PICALM: variants seen among roughly 807,000 people sequenced by gnomAD.
PICALM encodes the protein phosphatidylinositol binding clathrin assembly protein, also known as phosphatidylinositol-binding clathrin assembly protein.
In PICALM, 40 loss-of-function variants were observed where a neutral mutation model predicts 80.5. That is an observed-to-expected ratio of 0.50 (90% CI 0.39 to 0.65). The LOEUF (loss-of-function observed/expected upper bound fraction) is 0.65, where lower values mean the gene tolerates loss of function less well. Among genes scored for constraint, PICALM ranks in the 30% least tolerant of loss-of-function variants. The pLI, the probability that PICALM is intolerant of heterozygous loss-of-function variation, is 0.00. For missense variants in PICALM, 676 were observed against 778.9 expected, an observed-to-expected ratio of 0.87 and a Z score of 1.57; for synonymous variants, 288 against 260.3, an observed-to-expected ratio of 1.11 and a Z score of -1.02.
At chr11:86,062,254 C>T (rs1489013731) in intron 1 of PICALM, among the ~76,000 whole-genome samples, 1 of 152,164 alleles carries the variant, frequency 6.6e-6, no homozygotes, top group Non-Finnish European at 1.5e-5. Flanking sequence ...CAGTGGCTCA[C>T]GCCTGTAATC....
chr11:85,993,110 G>A (rs1390122968), intron 12 of PICALM, among the ~76,000 whole-genome samples: 3 of 144,656 alleles, frequency 2.1e-5, no homozygotes, highest in African/African-American at 7.7e-5. Context: ...TTTTAAATAA[G>A]AGTCTTGCTC....
At chr11:86,066,206 T>C (rs1028264211) in intron 1 of PICALM, among the ~76,000 whole-genome samples, 1 of 152,228 alleles carries the variant, frequency 6.6e-6, no homozygotes, top group African/African-American at 2.4e-5. Context: ...AGGAAGGTAT[T>C]TGTTTAGTAA....
intron 1 of PICALM, among the ~76,000 whole-genome samples, chr11:86,034,507 G>C (rs114319831): frequency 0.013 from 2,026 of 152,186 alleles, 52 homozygotes; most frequent in African/African-American, 0.047. Flanking sequence ...TTCTTAAAAA[G>C]CAAAAACTGT....
intron 1 of PICALM, among the ~76,000 whole-genome samples, chr11:86,055,340 A>C (rs919866179): frequency 2.6e-5 from 4 of 152,148 alleles, no homozygotes; most frequent in African/African-American, 9.7e-5. Context: ...AAAAAAAAAA[A>C]AAGATACCAT....
rs771561901 is a variant in PICALM at position 85,981,948 on chromosome 11, G to A, written c.1572C>T (p.Asn524=). The A allele has an allele frequency of 1.2e-6, 2 of 1,612,860 alleles. No homozygotes were observed. The highest frequency in any genetic ancestry group is 1.7e-6 in the Non-Finnish European group (2 of 1,178,822). The change falls in exon 15 of 20, where the codon AAC becomes AAT. Residue 524 remains asparagine, a synonymous_variant. Transcript: ENST00000393346. ...TAGGTGGGAGTTTGGCAACAGGAAG[G>A]TTCTGGTTCTGAGAGGCCACTGTTG... ...LKPTVASQNQ[N]LPVAKLPPSK... is the part of the protein sequence containing the mutation.
intron 3 of PICALM, among the ~76,000 whole-genome samples, chr11:86,023,124 C>A (rs2095594718): frequency 6.6e-6 from 1 of 152,038 alleles, no homozygotes; most frequent in Non-Finnish European, 1.5e-5. Context: ...TCTAAAAACA[C>A]CAAAAACTTT....
At chr11:85,982,183 C>T in intron 14 of PICALM, 180 bp from the exon 15 acceptor site, 1 of 562,142 alleles carries the variant, frequency 1.8e-6, no homozygotes, top group Non-Finnish European at 3.2e-6. Flanking sequence ...ACTGAATTGA[C>T]TGAGAAGGCT....
At chr11:86,062,114 G>A (rs1295974133) in intron 1 of PICALM, among the ~76,000 whole-genome samples, 1 of 152,172 alleles carries the variant, frequency 6.6e-6, no homozygotes, top group Non-Finnish European at 1.5e-5. Flanking sequence ...GGAAGAGAAG[G>A]GATGGCGAGG....
chr11:86,050,516 A>T (rs2096167925), intron 1 of PICALM, among the ~76,000 whole-genome samples: 1 of 152,190 alleles, frequency 6.6e-6, no homozygotes, highest in African/African-American at 2.4e-5. Context: ...TATACACAGC[A>T]TTCATATAAT....
intron 19 of PICALM, among the ~76,000 whole-genome samples, chr11:85,963,043 G>A (rs2093742712): frequency 6.6e-6 from 1 of 152,194 alleles, no homozygotes; most frequent in African/African-American, 2.4e-5. Context: ...TTCTTGGTAG[G>A]TGAGAAGTAG....
intron 13 of PICALM, among the ~76,000 whole-genome samples, chr11:85,989,404 G>C (rs1343361923): frequency 6.6e-6 from 1 of 152,080 alleles, no homozygotes; most frequent in Non-Finnish European, 1.5e-5. Context: ...ATGATTTGTT[G>C]AGGGTATACT....
At chr11:86,064,783 T>C (rs538813247) in intron 1 of PICALM, among the ~76,000 whole-genome samples, 3 of 150,540 alleles carry the variant, frequency 2.0e-5, no homozygotes, top group South Asian at 4.2e-4. Flanking sequence ...TATCAAAAAA[T>C]AGGATAAGGG....
chr11:86,042,214 T>G (rs1342627950), intron 1 of PICALM, among the ~76,000 whole-genome samples: 1 of 152,150 alleles, frequency 6.6e-6, no homozygotes, highest in Non-Finnish European at 1.5e-5. Context: ...TTTTCAAACC[T>G]AGATACCTTA....
chr11:86,057,940 A>G (rs1486031866), intron 1 of PICALM, among the ~76,000 whole-genome samples: 3 of 152,164 alleles, frequency 2.0e-5, no homozygotes, highest in African/African-American at 7.2e-5. Flanking sequence ...GGACAACCGC[A>G]TATATTTATC....
intron 19 of PICALM, among the ~76,000 whole-genome samples, chr11:85,969,118 G>A (rs1005810051): frequency 6.6e-6 from 1 of 152,192 alleles, no homozygotes; most frequent in Non-Finnish European, 1.5e-5. Flanking sequence ...CAGCCATCTG[G>A]AAGGTGTTAG....
At position 85,981,934 on chromosome 11, in the gene PICALM, T is replaced by C. The variant is rs201601250; in HGVS notation, c.1586A>G (p.Lys529Arg). The change falls in exon 15 of 20, where the codon AAA becomes AGA. Residue 529 changes from lysine to arginine, a missense_variant. Lys to Arg is a conservative substitution (Grantham distance 26). Coordinates refer to ENST00000393346, the MANE Select transcript of PICALM (RefSeq NM_007166.4). ...AGATACTAACTTGCTAGGTGGGAGT[T>C]TGGCAACAGGAAGGTTCTGGTTCTG... ...ASQNQNLPVA[K>R]LPPSKLVSDD... 19 of 1,613,272 alleles carry C rather than the reference T, an allele frequency of 1.2e-5. No individual in the cohort carries two copies. The East Asian group carries it at 1.8e-4, about 15-fold the overall frequency.
At chr11:85,983,383 A>C (rs2094496712) in intron 14 of PICALM, among the ~76,000 whole-genome samples, 1 of 152,180 alleles carries the variant, frequency 6.6e-6, no homozygotes, top group Admixed American at 6.5e-5. Flanking sequence ...AAAACAATAA[A>C]AAGCTCCTGT....
intron 1 of PICALM, among the ~76,000 whole-genome samples, chr11:86,044,113 C>T (rs189128668): frequency 4.6e-5 from 7 of 152,250 alleles, no homozygotes; most frequent in Admixed American, 4.6e-4. Context: ...TCTATTATCA[C>T]GGAGCTTATA....
In PICALM at chr11:86,002,163, T is replaced by A. The variant is rs2095162992; in HGVS notation, c.894-1005A>T. Among the ~76,000 whole-genome samples the A allele has an allele frequency of 2.0e-5, 3 of 152,344 alleles. No individual in the cohort carries two copies. The South Asian group carries it at 6.2e-4, about 32-fold the overall frequency. ...CTGAACTACGTGGCTCTTTTTTTCG[T>A]TATTCTCTCAAATAAATGAGACTTA... On this transcript the variant is annotated intron_variant, in intron 9 of 19. Coordinates refer to ENST00000393346, the MANE Select transcript of PICALM (RefSeq NM_007166.4).
Sources: allele counts gnomAD v4.1 joint callset (sites outside exome capture counted in the v4.1 genomes callset), GRCh38; gene constraint gnomAD v4.1.1; transcripts MANE v1.5; gene names NCBI Gene and HGNC (gene_info 2026-07-23, HGNC 2026-07-21).